Variants in OPCML observed in about 807,000 individuals in gnomAD.
OPCML encodes the protein opioid-binding protein/cell adhesion molecule.
In OPCML, 13 loss-of-function variants were observed where a neutral mutation model predicts 37.8. The observed-to-expected ratio is 0.34, with a 90% CI of 0.22 to 0.55. The LOEUF is 0.55. Ranked by LOEUF, OPCML falls within the 20% of genes least tolerant of loss-of-function variation. The pLI is 0.91. For synonymous variants in OPCML, 176 were observed against 168.8 expected (o/e 1.04, Z -0.33); for missense variants, 341 against 435.6 (o/e 0.78, Z 1.93).
intron 1 of OPCML, among the ~76,000 whole-genome samples, chr11:133,274,378 C>A (rs1481681335): frequency 6.6e-6 from 1 of 152,096 alleles, no homozygotes; most frequent in African/African-American, 2.4e-5. Flanking sequence ...GACACAGAGA[C>A]AGAGACGTGT....
intron 1 of OPCML, among the ~76,000 whole-genome samples, chr11:133,475,523 T>C (rs911743288): frequency 2.0e-5 from 3 of 152,172 alleles, no homozygotes; most frequent in Admixed American, 6.5e-5. Context: ...CTCTGTCCCA[T>C]TGCAGTAACA....
At chr11:133,304,109 C>T (rs978164973) in intron 1 of OPCML, among the ~76,000 whole-genome samples, 2 of 152,146 alleles carry the variant, frequency 1.3e-5, no homozygotes, top group Non-Finnish European at 2.9e-5. Context: ...GAGATGTTCG[C>T]ACAAGGGAAT....
intron 1 of OPCML, among the ~76,000 whole-genome samples, chr11:132,984,710 G>T (rs1946653686): frequency 6.6e-6 from 1 of 152,064 alleles, no homozygotes; most frequent in Admixed American, 6.6e-5. Flanking sequence ...CTGCTGATTG[G>T]ACCCCAGACA....
chr11:133,362,834 C>T (rs1405107336), intron 1 of OPCML, among the ~76,000 whole-genome samples: 2 of 152,132 alleles, frequency 1.3e-5, no homozygotes, highest in Non-Finnish European at 2.9e-5. Context: ...TACCTACCTT[C>T]TGCCCCGCTA....
At chr11:133,526,577 C>T (rs896546393) in intron 1 of OPCML, among the ~76,000 whole-genome samples, 1 of 152,114 alleles carries the variant, frequency 6.6e-6, no homozygotes, top group Non-Finnish European at 1.5e-5. Flanking sequence ...CTTTTGGCTC[C>T]CTTCTCAGGG....
chr11:132,496,792 G>A (rs1298726900), intron 4 of OPCML, among the ~76,000 whole-genome samples: 2 of 152,206 alleles, frequency 1.3e-5, no homozygotes, highest in Non-Finnish European at 2.9e-5. Context: ...CTACCAGGTT[G>A]CTCTCAGATA....
At chr11:133,510,829 C>T (rs1448397454) in intron 1 of OPCML, among the ~76,000 whole-genome samples, 1 of 152,104 alleles carries the variant, frequency 6.6e-6, no homozygotes, top group African/African-American at 2.4e-5. Flanking sequence ...CTGCATTCCT[C>T]TTCTGGTGAT....
chr11:132,752,691 A>G (rs1030784964), intron 2 of OPCML, among the ~76,000 whole-genome samples: 1 of 151,762 alleles, frequency 6.6e-6, no homozygotes, highest in Admixed American at 6.6e-5. Context: ...TAGTTTCACT[A>G]TAAGTTTGGA....
At chr11:133,268,989 G>T (rs34035661) in intron 1 of OPCML, among the ~76,000 whole-genome samples, 1,735 of 152,178 alleles carry the variant, frequency 0.011, 33 homozygotes, top group African/African-American at 0.038. Context: ...CAATTCTAGG[G>T]GTACCTCTTT....
intron 1 of OPCML, among the ~76,000 whole-genome samples, chr11:133,283,620 C>T (rs1389673988): frequency 6.6e-6 from 1 of 152,216 alleles, no homozygotes; most frequent in African/African-American, 2.4e-5. Flanking sequence ...GTCATCCTCA[C>T]AGTTAACATT....
intron 2 of OPCML, among the ~76,000 whole-genome samples, chr11:132,782,917 G>GTGTGTATATA (rs376141259): frequency 3.4e-4 from 43 of 125,076 alleles, no homozygotes; most frequent in African/African-American, 1.1e-3. Context: ...TATAGTGTGT[G>GTGTGTATATA]TATATATATA....
chr11:132,513,369 A>G (rs1051349006), intron 4 of OPCML, among the ~76,000 whole-genome samples: 3 of 152,138 alleles, frequency 2.0e-5, no homozygotes, highest in Non-Finnish European at 4.4e-5. Context: ...TATGGAAAAC[A>G]TTTGTCCTTT....
chr11:133,455,175 A>AT lies in OPCML; in HGVS notation c.61+77088dup, dbSNP rs34468968. On this transcript the variant is annotated intron_variant, in intron 1 of 7. Coordinates refer to ENST00000524381, the MANE Select transcript of OPCML (RefSeq NM_001012393.5). Reference sequence around the variant, plus strand: ...AAGAGTTGAGGAAAGTTAACTACTGATTTTTCATAGATTTAAAACAATGCA... The same window carrying AT: ...AAGAGTTGAGGAAAGTTAACTACTGATTTTTTCATAGATTTAAAACAATGCA... Among the ~76,000 whole-genome samples the AT allele has an allele frequency of 4.8e-3, 731 of 152,250 alleles. 8 individuals carry two copies. Among genetic ancestry groups the AT allele is most frequent in the African/African-American group, 0.016 (678 of 41,550 alleles).
At chr11:133,006,893 C>A in intron 1 of OPCML, 2 of 985,466 alleles carry the variant, frequency 2.0e-6, no homozygotes, top group Non-Finnish European at 2.4e-6. Context: ...CTATACCTGT[C>A]ATGGGGCCAC....
intron 1 of OPCML, among the ~76,000 whole-genome samples, chr11:133,110,989 C>G (rs1312784456): frequency 1.3e-5 from 2 of 152,146 alleles, no homozygotes; most frequent in African/African-American, 4.8e-5. Context: ...ATAATAATAC[C>G]TATCCATATG....
At chr11:133,079,527 TAAAAC>T (rs1948675780) in intron 1 of OPCML, among the ~76,000 whole-genome samples, 1 of 150,998 alleles carries the variant, frequency 6.6e-6, no homozygotes, top group Non-Finnish European at 1.5e-5. Flanking sequence ...AAAAAATGGC[TAAAAC>T]AAATCTGCCC....
At chr11:132,835,173 C>CATATTTATA in intron 2 of OPCML, among the ~76,000 whole-genome samples, 2 of 152,204 alleles carry the variant, frequency 1.3e-5, no homozygotes, top group Non-Finnish European at 2.9e-5. Context: ...GGCATATTCA[C>CATATTTATA]TGCCAGTGAA....
At chr11:133,073,558 G>A (rs1216283074) in intron 1 of OPCML, among the ~76,000 whole-genome samples, 2 of 152,242 alleles carry the variant, frequency 1.3e-5, no homozygotes, top group Non-Finnish European at 2.9e-5. Context: ...GCCAGCCATA[G>A]AAACTAGACT....
At chr11:132,801,656 A>C (rs1938653504) in intron 2 of OPCML, among the ~76,000 whole-genome samples, 1 of 152,198 alleles carries the variant, frequency 6.6e-6, no homozygotes, top group African/African-American at 2.4e-5. Context: ...ACAGAGAAGA[A>C]ACTGAGATGG....
Sources: gnomAD v4.1 joint callset for allele counts (sites outside exome capture counted in the v4.1 genomes callset) on GRCh38, gnomAD v4.1.1 for gene constraint, MANE v1.5 for transcripts, NCBI Gene and HGNC (gene_info 2026-07-23, HGNC 2026-07-21) for gene names.